The following RXRA variants were observed in gnomAD, a reference collection of about 807,000 sequenced individuals.
The protein encoded by RXRA is retinoic acid receptor RXR-alpha.
Under a neutral mutation model 44.5 loss-of-function variants are expected in RXRA, and 5 were observed. That is an observed-to-expected ratio of 0.11 (90% CI 0.06 to 0.24). RXRA has a LOEUF of 0.24. Among genes scored for constraint, RXRA ranks in the 10% least tolerant of loss-of-function variants. The pLI, the probability that RXRA is intolerant of heterozygous loss-of-function variation, is 1.00. For missense variants in RXRA, 412 were observed against 646.5 expected (o/e 0.64, Z 3.93); for synonymous variants, 291 against 271.4 (o/e 1.07, Z -0.71).
intron 1 of RXRA, among the ~76,000 whole-genome samples, chr9:134,398,542 GTAA>G (rs1830914090): frequency 6.6e-5 from 10 of 152,178 alleles, no homozygotes; most frequent in African/African-American, 2.4e-4. Context: ...CGGAGTCTGT[GTAA>G]ACAGGAAGGG....
intron 1 of RXRA, among the ~76,000 whole-genome samples, chr9:134,326,921 G>A (rs1323294508): frequency 6.7e-6 from 1 of 150,160 alleles, no homozygotes; most frequent in Non-Finnish European, 1.5e-5. Flanking sequence ...CCGGGACGAG[G>A]AGGGGTCTCC....
chr9:134,371,362 C>A (rs561567083), intron 1 of RXRA, among the ~76,000 whole-genome samples: 6 of 152,196 alleles, frequency 3.9e-5, no homozygotes, highest in Admixed American at 2.0e-4. Flanking sequence ...CTGTCTCTGG[C>A]CCCCCTGGTG....
At chr9:134,420,459 C>A (rs1019250937) in intron 5 of RXRA, among the ~76,000 whole-genome samples, 1 of 152,208 alleles carries the variant, frequency 6.6e-6, no homozygotes. Flanking sequence ...CCTGTGTATA[C>A]CCCTTCTGGC....
Position 134,435,791 on chromosome 9 carries a change from G to T in RXRA, c.1242-676G>T, listed in dbSNP as rs116294849. ...AGCAGCCCTTTCCCTTACAAGCCCC[G>T]CAGTCTCTTGCTGTGATGGCTGCTG... On this transcript the variant is annotated intron_variant, in intron 9 of 9. Transcript: ENST00000481739. 7.3e-3 allele frequency among the ~76,000 whole-genome samples: 1,116 copies of T among 152,148 alleles called. 11 individuals are homozygous for T. Among genetic ancestry groups the T allele is most frequent in the African/African-American group, 0.025 (1,046 of 41,476 alleles).
At chr9:134,380,113 C>G in intron 1 of RXRA, 1 of 985,474 alleles carries the variant, frequency 1.0e-6, no homozygotes, top group South Asian at 4.7e-5. Flanking sequence ...CGCCTGAGGG[C>G]CAAGTGTGGC....
rs1831255541 is a variant in RXRA, at chr9:134,417,506, G to T, written c.780+179G>T. Among the ~76,000 whole-genome samples the T allele has an allele frequency of 6.6e-6, 1 of 152,148 alleles. No homozygotes were observed. Among genetic ancestry groups the T allele is most frequent in the South Asian group, 2.1e-4 (1 of 4,832 alleles). Reference sequence around the variant, plus strand: ...ACCCCGTGGGCCCCTCGCCCCAGCTGGGCGGCACTCTCCTCTCCTGGCCCA... The same window carrying T: ...ACCCCGTGGGCCCCTCGCCCCAGCTTGGCGGCACTCTCCTCTCCTGGCCCA... On this transcript the variant is annotated intron_variant, in intron 5 of 9. Transcript: ENST00000481739. The surrounding 1 kb of genome is among the most constrained non-coding windows in gnomAD (Gnocchi z 6.1).
chr9:134,345,895 G>C (rs782459353), intron 1 of RXRA, among the ~76,000 whole-genome samples: 3 of 152,166 alleles, frequency 2.0e-5, no homozygotes, highest in Non-Finnish European at 4.4e-5. Context: ...GACTGTGGCT[G>C]CTCCTGTGTC....
chr9:134,334,588 C>T (rs1835056407), intron 1 of RXRA, among the ~76,000 whole-genome samples: 1 of 152,268 alleles, frequency 6.6e-6, no homozygotes, highest in Non-Finnish European at 1.5e-5. Flanking sequence ...GGTGGGGCTG[C>T]TCTCTGACCA....
intron 1 of RXRA, among the ~76,000 whole-genome samples, chr9:134,335,668 C>T (rs1212471719): frequency 1.3e-5 from 2 of 152,136 alleles, no homozygotes; most frequent in Non-Finnish European, 2.9e-5. Context: ...GGGTGGGCCT[C>T]GCTGCAGCCT....
intron 6 of RXRA, chr9:134,423,611 C>G: frequency 1.0e-6 from 1 of 985,468 alleles, no homozygotes; most frequent in Non-Finnish European, 1.2e-6. Context: ...TCTCAAAGTC[C>G]TTGACTTAAT....
intron 1 of RXRA, among the ~76,000 whole-genome samples, chr9:134,384,687 C>T (rs558445792): frequency 1.3e-5 from 2 of 152,152 alleles, no homozygotes; most frequent in East Asian, 1.9e-4. Flanking sequence ...GGCCGTCACC[C>T]GGTCGGCCTG....
At chr9:134,333,616 C>T (rs182767446) in intron 1 of RXRA, among the ~76,000 whole-genome samples, 299 of 152,256 alleles carry the variant, frequency 2.0e-3, no homozygotes, top group Non-Finnish European at 3.0e-3. Context: ...GTGCGGCCGC[C>T]GGCTGTAATG....
rs374395607 is a variant in RXRA at position 134,344,481 on chromosome 9, C to T, written c.28+17822C>T. On this transcript the variant is annotated intron_variant, in intron 1 of 9. Transcript: ENST00000481739. ...GACAAAAGCCCCAACCCTGGGCACCCGCCCAAGGCTTAGATTCCTCTTAAA... is the reference window on the plus strand; with the variant it reads ...GACAAAAGCCCCAACCCTGGGCACCTGCCCAAGGCTTAGATTCCTCTTAAA... Among the ~76,000 whole-genome samples the T allele has an allele frequency of 3.5e-4, 54 of 152,318 alleles. 1 individual carries two copies. Among genetic ancestry groups the T allele is most frequent in the Middle Eastern group, 6.8e-3 (2 of 292 alleles).
At position 134,426,296 on chromosome 9, in the gene RXRA, C is replaced by T. The variant is rs1588306390; in HGVS notation, c.911-2812C>T. The T allele has an allele frequency of 1.0e-6, 1 of 985,418 alleles. No homozygotes were observed. Among genetic ancestry groups the T allele is most frequent in the Non-Finnish European group, 1.2e-6 (1 of 829,912 alleles). 61.0% of individuals were successfully genotyped at this position (985,418 alleles called of 1,614,324 possible). On this transcript the variant is annotated intron_variant, in intron 6 of 9. Coordinates refer to ENST00000481739, the MANE Select transcript of RXRA (RefSeq NM_002957.6). The surrounding 1 kb of genome is among the most constrained non-coding windows in gnomAD (Gnocchi z 4.6). ...CCACATCACAGGGCCAGGAGCCCTC[C>T]TTCCTGCAGCGATGGAGCACTTAGG...
At chr9:134,356,552 GGAAGGTCCGTGGCTGGA>G (rs1208434105) in intron 1 of RXRA, among the ~76,000 whole-genome samples, 1 of 152,200 alleles carries the variant, frequency 6.6e-6, no homozygotes, top group African/African-American at 2.4e-5. Context: ...AGGAGGCTGG[GGAAGGTCCGTGGCTGGA>G]GAAGGTCCGT....
chr9:134,335,968 C>T (rs115613957), intron 1 of RXRA, among the ~76,000 whole-genome samples: 2,978 of 152,294 alleles, frequency 0.02, 111 homozygotes, highest in African/African-American at 0.067. Context: ...GATGGCTTCT[C>T]GCCCTCTCCC....
At chr9:134,404,095 T>A (rs1325147580) in intron 2 of RXRA, 1 of 152,040 alleles carries the variant, frequency 6.6e-6, no homozygotes, top group East Asian at 1.9e-4. Context: ...GTGAGCAGGG[T>A]TTCAGGAGGG....
intron 1 of RXRA, among the ~76,000 whole-genome samples, chr9:134,348,676 C>T (rs782044934): frequency 7.2e-5 from 11 of 152,222 alleles, no homozygotes; most frequent in Non-Finnish European, 1.6e-4. Flanking sequence ...GGCCTACGTA[C>T]GCCCTGTCCT....
At chr9:134,391,775 G>T (rs756688371) in intron 1 of RXRA, among the ~76,000 whole-genome samples, 1 of 152,226 alleles carries the variant, frequency 6.6e-6, no homozygotes, top group South Asian at 2.1e-4. Context: ...TGGTCGAGGG[G>T]TGGCCAAGGG....
Sources: gnomAD v4.1 joint callset for allele counts (sites outside exome capture counted in the v4.1 genomes callset) on GRCh38, gnomAD v4.1.1 for gene constraint, Gnocchi (gnomAD v3.1) non-coding constraint, MANE v1.5 for transcripts, NCBI Gene and HGNC (gene_info 2026-07-23, HGNC 2026-07-21) for gene names.